Variants in GAN observed in about 807,000 individuals in gnomAD.
GAN encodes gigaxonin.
In GAN, 48 loss-of-function variants were observed where a neutral mutation model predicts 71.3. That is an observed-to-expected ratio of 0.67 (90% CI 0.53 to 0.86). The LOEUF is 0.86. Among genes scored for constraint, GAN ranks in the 40% least tolerant of loss-of-function variants. The pLI is 0.00. For missense variants in GAN, 928 were observed against 770.1 expected (o/e 1.21, Z -2.43); for synonymous variants, 386 against 276.8 (o/e 1.39, Z -3.92).
chr16:81,354,735 C>A lies in GAN; in HGVS notation c.613C>A (p.His205Asn), dbSNP rs1326113785. The change falls in exon 3 of 11, where the codon CAT becomes AAT. Residue 205 changes from histidine to asparagine, a missense_variant. Coordinates refer to ENST00000648994, the MANE Select transcript of GAN (RefSeq NM_022041.4). ...VFEAVIRWIA[H>N]DTEIRKVHMK... ...TGAAGCAGTAATTCGATGGATAGCA[C>A]ATGATACAGAAATAAGAAAGGTACC... 1.3e-6 allele frequency: 2 copies of A among 1,592,130 alleles called. No individual in the cohort carries two copies. Among genetic ancestry groups the A allele is most frequent in the Admixed American group, 1.7e-5 (1 of 59,994 alleles).
intron 7 of GAN, 54 bp from the exon 8 acceptor site, chr16:81,364,920 C>T (rs1275715333): frequency 1.9e-6 from 3 of 1,571,896 alleles, no homozygotes; most frequent in East Asian, 4.5e-5. Flanking sequence ...TATCTGTTCA[C>T]CTGACCTGAA....
intron 5 of GAN, among the ~76,000 whole-genome samples, chr16:81,359,512 T>G (rs1188470937): frequency 4.6e-5 from 7 of 152,124 alleles, no homozygotes; most frequent in Non-Finnish European, 7.4e-5. Flanking sequence ...TAATAGTCCT[T>G]TAGGAAGATT....
chr16:81,341,312 C>T lies in GAN; in HGVS notation c.168-10271C>T, dbSNP rs1033017812. ...CAGAGAATGCCACAAAGATACTCCTCGAGAAGAGCAACCCCAAGACACATA... is the reference window on the plus strand; with the variant it reads ...CAGAGAATGCCACAAAGATACTCCTTGAGAAGAGCAACCCCAAGACACATA... On this transcript the variant is annotated intron_variant, in intron 1 of 10. Coordinates refer to ENST00000648994, the MANE Select transcript of GAN (RefSeq NM_022041.4). 6.6e-5 allele frequency among the ~76,000 whole-genome samples: 10 copies of T among 152,076 alleles called. 1 individual carries two copies. Among genetic ancestry groups the T allele is most frequent in the African/African-American group, 1.4e-4 (6 of 41,488 alleles).
chr16:81,337,613 T>C (rs971197808), intron 1 of GAN, among the ~76,000 whole-genome samples: 11 of 152,218 alleles, frequency 7.2e-5, no homozygotes, highest in Admixed American at 7.2e-4. Flanking sequence ...ACCCAGTGGA[T>C]GACTTTGGCT....
intron 1 of GAN, among the ~76,000 whole-genome samples, chr16:81,332,641 G>A (rs1406718019): frequency 6.6e-6 from 1 of 152,198 alleles, no homozygotes; most frequent in Non-Finnish European, 1.5e-5. Context: ...GCACATGCCT[G>A]CTCCACAGTG....
chr16:81,365,328 A>G (rs763429596), intron 8 of GAN, 22 bp from the exon 9 acceptor site: 12 of 1,613,764 alleles, frequency 7.4e-6, no homozygotes, highest in African/African-American at 5.3e-5. Context: ...TGTGCCTGAT[A>G]ACGCTGTGTG....
chr16:81,327,917 A>G (rs1374757431), intron 1 of GAN, among the ~76,000 whole-genome samples: 2 of 152,206 alleles, frequency 1.3e-5, no homozygotes, highest in African/African-American at 4.8e-5. Context: ...GAACTGTTTG[A>G]CAGGTTGTGG....
chr16:81,341,791 C>G (rs1246112674), intron 1 of GAN, among the ~76,000 whole-genome samples: 1 of 152,076 alleles, frequency 6.6e-6, no homozygotes, highest in African/African-American at 2.4e-5. Context: ...GAATATTAAC[C>G]TTAAATGTAA....
chr16:81,370,146 A>G (rs1016055767), intron 9 of GAN, among the ~76,000 whole-genome samples: 2 of 152,194 alleles, frequency 1.3e-5, no homozygotes, highest in African/African-American at 4.8e-5. Context: ...ACTAATATAT[A>G]ATGGGCTAAT....
chr16:81,348,011 T>C (rs1203526983), intron 1 of GAN, among the ~76,000 whole-genome samples: 1 of 151,988 alleles, frequency 6.6e-6, no homozygotes, highest in East Asian at 1.9e-4. Context: ...TTTTAAAAAA[T>C]TATTTAATAA....
At chr16:81,353,487 T>C (rs1910374857) in intron 2 of GAN, among the ~76,000 whole-genome samples, 1 of 152,226 alleles carries the variant, frequency 6.6e-6, no homozygotes, top group Non-Finnish European at 1.5e-5. Flanking sequence ...TTACTCACCA[T>C]ACTACTTTCC....
intron 9 of GAN, among the ~76,000 whole-genome samples, chr16:81,371,427 A>G (rs1253893941): frequency 6.6e-6 from 1 of 152,026 alleles, no homozygotes; most frequent in Non-Finnish European, 1.5e-5. Context: ...GAAGCTTTGA[A>G]TTTTCTTATA....
At chr16:81,320,621 T>C (rs1909192692) in intron 1 of GAN, among the ~76,000 whole-genome samples, 1 of 152,240 alleles carries the variant, frequency 6.6e-6, no homozygotes, top group Non-Finnish European at 1.5e-5. Flanking sequence ...GTCATAAGGA[T>C]CTTGAATAGT....
In GAN at chr16:81,327,898, G is replaced by C. The variant is rs1909441818; in HGVS notation, c.167+12618G>C. ...GCCTCCGAAATAGAATAGCAAAGTAGAAAATCTAGAACTGTTTGACAGGTT... is the reference window on the plus strand; with the variant it reads ...GCCTCCGAAATAGAATAGCAAAGTACAAAATCTAGAACTGTTTGACAGGTT... On this transcript the variant is annotated intron_variant, in intron 1 of 10. Coordinates refer to ENST00000648994, the MANE Select transcript of GAN (RefSeq NM_022041.4). Among the ~76,000 whole-genome samples the C allele has an allele frequency of 2.6e-5, 4 of 152,172 alleles. No individual in the cohort carries two copies. The South Asian group carries it at 8.3e-4, about 31-fold the overall frequency.
chr16:81,349,025 T>C (rs898090554), intron 1 of GAN, among the ~76,000 whole-genome samples: 1 of 152,188 alleles, frequency 6.6e-6, no homozygotes, highest in African/African-American at 2.4e-5. Flanking sequence ...CTCTCAGTTG[T>C]ATACTCTTCA....
Position 81,346,758 on chromosome 16 carries a change from G to T in GAN, c.168-4825G>T, listed in dbSNP as rs538110032. Among the ~76,000 whole-genome samples, 15 of 152,250 alleles carry T rather than the reference G, an allele frequency of 9.9e-5. No homozygotes were observed. The East Asian group carries it at 2.3e-3, about 24-fold the overall frequency. On this transcript the variant is annotated intron_variant, in intron 1 of 10. Transcript: ENST00000648994. ...AAGGAGGCTCTGGGGAAAACTTCAGGGTGTGGTTGCAGCTGTGCACTGTGG... is the reference window on the plus strand; with the variant it reads ...AAGGAGGCTCTGGGGAAAACTTCAGTGTGTGGTTGCAGCTGTGCACTGTGG...
At position 81,381,494 on chromosome 16, in the gene GAN, A is replaced by T. The variant is rs1173217972; in HGVS notation, c.*3898A>T. On this transcript the variant is annotated 3_prime_UTR_variant, in exon 11 of 11. Transcript: ENST00000648994. ...CTTTTCCACTGGCTGCTCACTGAGC[A>T]CTGGAGTCCAGGAAGTCAGTGAGAA... 1 of 152,230 alleles carries T rather than the reference A, an allele frequency of 6.6e-6. No individual in the cohort carries two copies. Among genetic ancestry groups the T allele is most frequent in the Non-Finnish European group, 1.5e-5 (1 of 68,048 alleles). 9.4% of individuals were successfully genotyped at this position (152,230 alleles called of 1,614,324 possible). A position where few individuals can be genotyped will look rare whatever the true frequency, so the allele number is the denominator to read the frequency against.
chr16:81,342,677 C>A (rs1909984842), intron 1 of GAN, among the ~76,000 whole-genome samples: 1 of 152,144 alleles, frequency 6.6e-6, no homozygotes, highest in Admixed American at 6.5e-5. Context: ...CAAGAGAAAG[C>A]AGGACAGATC....
rs977478054 is a variant in GAN at position 81,378,554 on chromosome 16, A to G, written c.*958A>G. 1 of 152,498 alleles carries G rather than the reference A, an allele frequency of 6.6e-6. No individual in the cohort carries two copies. The highest frequency in any genetic ancestry group is 1.5e-5 in the Non-Finnish European group (1 of 68,040). The allele number at this position is 152,498 out of a possible 1,614,324, so 9.4% of individuals were successfully genotyped here. A position where few individuals can be genotyped will look rare whatever the true frequency, so the allele number is the denominator to read the frequency against. Reference sequence around the variant, plus strand: ...ATACATAGGGATCAGAAACTTTTTCATATAACCTGTCTGAAAGCACACAAA... The same window carrying G: ...ATACATAGGGATCAGAAACTTTTTCGTATAACCTGTCTGAAAGCACACAAA... On this transcript the variant is annotated 3_prime_UTR_variant, in exon 11 of 11. Coordinates refer to ENST00000648994, the MANE Select transcript of GAN (RefSeq NM_022041.4).
Sources: allele counts gnomAD v4.1 joint callset (sites outside exome capture counted in the v4.1 genomes callset), GRCh38; gene constraint gnomAD v4.1.1; transcripts MANE v1.5; gene names NCBI Gene and HGNC (gene_info 2026-07-23, HGNC 2026-07-21).